NKAIN2: variants seen among roughly 807,000 people sequenced by gnomAD.
The protein encoded by NKAIN2 is sodium/potassium-transporting ATPase subunit beta-1-interacting protein 2.
NKAIN2 carries 14 observed loss-of-function variants against 32.6 expected under a neutral mutation model. The ratio of observed to expected loss-of-function variants is 0.43; its 90% CI spans 0.28 to 0.67. The LOEUF (loss-of-function observed/expected upper bound fraction) is 0.67. NKAIN2 is among the 30% of genes least tolerant of loss of function. The probability of loss-of-function intolerance (pLI) is 0.17; values close to 1 mark genes in which losing one functional copy is unlikely to be tolerated. For missense variants in NKAIN2, 198 were observed against 258.3 expected (o/e 0.77, Z 1.60); for synonymous variants, 80 against 87.2 (o/e 0.92, Z 0.46).
intron 1 of NKAIN2, among the ~76,000 whole-genome samples, chr6:123,958,067 A>G (rs1266943458): frequency 1.3e-5 from 2 of 152,146 alleles, no homozygotes; most frequent in Non-Finnish European, 2.9e-5. Flanking sequence ...TCTTCTGTTA[A>G]TCATATCTAT....
At chr6:124,244,229 A>G (rs1424882661) in intron 1 of NKAIN2, among the ~76,000 whole-genome samples, 2 of 133,578 alleles carry the variant, frequency 1.5e-5, no homozygotes, top group Admixed American at 7.4e-5. Flanking sequence ...TCCCAAAGCT[A>G]TCCCTCCCCC....
At chr6:124,284,149 G>A (rs1001962731) in intron 2 of NKAIN2, among the ~76,000 whole-genome samples, 1 of 152,202 alleles carries the variant, frequency 6.6e-6, no homozygotes, top group African/African-American at 2.4e-5. Context: ...CCAGCCTCCA[G>A]TGCATGTCAC....
In NKAIN2 at chr6:123,982,322, C is replaced by G. The variant is rs184951065; in HGVS notation, c.54+178068C>G. 2.3e-3 allele frequency among the ~76,000 whole-genome samples: 350 copies of G among 152,138 alleles called. 4 individuals are homozygous for G. The highest frequency in any genetic ancestry group is 3.4e-3 in the Middle Eastern group (1 of 294). ...GACTTAACACAATTGTGAAGACACG[C>G]AAAGAGGGCAAGGCTTCTTAATTCT... On this transcript the variant is annotated intron_variant, in intron 1 of 6. Transcript: ENST00000368417.
At chr6:124,370,466 A>G (rs1799707799) in intron 3 of NKAIN2, among the ~76,000 whole-genome samples, 1 of 152,116 alleles carries the variant, frequency 6.6e-6, no homozygotes, top group Non-Finnish European at 1.5e-5. Context: ...TCTTTTCTTC[A>G]TTAGCACATG....
chr6:124,436,916 T>G (rs1775471771), intron 3 of NKAIN2, among the ~76,000 whole-genome samples: 2 of 152,238 alleles, frequency 1.3e-5, no homozygotes, highest in South Asian at 4.1e-4. Flanking sequence ...AGCTGCCTCC[T>G]CTCCCCATCA....
At chr6:124,301,714 G>C (rs1796299407) in intron 2 of NKAIN2, among the ~76,000 whole-genome samples, 1 of 152,176 alleles carries the variant, frequency 6.6e-6, no homozygotes, top group South Asian at 2.1e-4. Context: ...CTGCCTCATT[G>C]GATTTCAGAC....
chr6:124,461,456 C>T (rs977009187), intron 3 of NKAIN2, among the ~76,000 whole-genome samples: 1 of 151,670 alleles, frequency 6.6e-6, no homozygotes, highest in African/African-American at 2.4e-5. Context: ...AGACTGTTTT[C>T]TTAATCTGTG....
chr6:124,726,349 A>G (rs1776306145), intron 4 of NKAIN2, among the ~76,000 whole-genome samples: 1 of 152,158 alleles, frequency 6.6e-6, no homozygotes, highest in Non-Finnish European at 1.5e-5. Context: ...CCCAGCACAC[A>G]GCTAGAGATC....
chr6:123,950,076 T>C (rs960903526), intron 1 of NKAIN2, among the ~76,000 whole-genome samples: 9 of 152,204 alleles, frequency 5.9e-5, no homozygotes, highest in African/African-American at 1.9e-4. Context: ...ATCCTGTTGA[T>C]GTGATGCATC....
chr6:124,727,457 A>C (rs1045475515), intron 4 of NKAIN2, among the ~76,000 whole-genome samples: 12 of 149,994 alleles, frequency 8.0e-5, no homozygotes, highest in African/African-American at 2.7e-4. Flanking sequence ...CAGCCAAACT[A>C]AGCTTCATAA....
chr6:124,304,278 G>A (rs561461895), intron 2 of NKAIN2, among the ~76,000 whole-genome samples: 1 of 152,230 alleles, frequency 6.6e-6, no homozygotes, highest in Admixed American at 6.5e-5. Flanking sequence ...TTCTTACTGA[G>A]CCTAAATTTT....
At chr6:124,476,499 C>A (rs1349151081) in intron 3 of NKAIN2, among the ~76,000 whole-genome samples, 1 of 151,836 alleles carries the variant, frequency 6.6e-6, no homozygotes, top group African/African-American at 2.4e-5. Context: ...AAGGCATAGT[C>A]ACATTTGCTA....
chr6:124,065,055 A>G (rs1348766717), intron 1 of NKAIN2, among the ~76,000 whole-genome samples: 2 of 152,096 alleles, frequency 1.3e-5, no homozygotes, highest in African/African-American at 4.8e-5. Flanking sequence ...ATTGACTTTT[A>G]TGTGTTCATA....
intron 4 of NKAIN2, among the ~76,000 whole-genome samples, chr6:124,665,695 C>G (rs1772763500): frequency 6.6e-6 from 1 of 152,150 alleles, no homozygotes; most frequent in Admixed American, 6.5e-5. Flanking sequence ...TCCTAAATTG[C>G]TCAGAAACAC....
At chr6:124,465,773 G>C (rs1776729659) in intron 3 of NKAIN2, among the ~76,000 whole-genome samples, 1 of 152,106 alleles carries the variant, frequency 6.6e-6, no homozygotes, top group African/African-American at 2.4e-5. Flanking sequence ...GGCATTAAGA[G>C]AGCATTTGCC....
intron 3 of NKAIN2, among the ~76,000 whole-genome samples, chr6:124,638,324 G>C (rs1173901992): frequency 6.6e-6 from 1 of 152,038 alleles, no homozygotes; most frequent in East Asian, 1.9e-4. Context: ...AAAAACATAG[G>C]GAAAATGTTT....
chr6:124,247,997 C>G (rs1428916081), intron 1 of NKAIN2, among the ~76,000 whole-genome samples: 2 of 152,048 alleles, frequency 1.3e-5, no homozygotes, highest in Non-Finnish European at 2.9e-5. Context: ...AAAAGTGACT[C>G]TTCATATCAT....
chr6:124,023,519 TTCATTTTTATG>T (rs1246627921), intron 1 of NKAIN2, among the ~76,000 whole-genome samples: 3 of 152,172 alleles, frequency 2.0e-5, no homozygotes, highest in Non-Finnish European at 4.4e-5. Context: ...CCTACCTTTG[TTCATTTTTATG>T]TCAACATCTA....
At chr6:124,035,032 C>G (rs1392155409) in intron 1 of NKAIN2, among the ~76,000 whole-genome samples, 1 of 151,896 alleles carries the variant, frequency 6.6e-6, no homozygotes, top group Non-Finnish European at 1.5e-5. Flanking sequence ...GACTGGACCT[C>G]ATATAGTAAC....
Sources: gnomAD v4.1 joint callset for allele counts (sites outside exome capture counted in the v4.1 genomes callset) on GRCh38, gnomAD v4.1.1 for gene constraint, MANE v1.5 for transcripts, NCBI Gene and HGNC (gene_info 2026-07-23, HGNC 2026-07-21) for gene names.